LTBP1: variants seen among roughly 807,000 people sequenced by gnomAD.
LTBP1 encodes latent-transforming growth factor beta-binding protein 1.
LTBP1 carries 129 observed loss-of-function variants against 207.6 expected under a neutral mutation model. That is an observed-to-expected ratio of 0.62 (90% confidence interval 0.54 to 0.72). The LOEUF is 0.72. Among genes scored for constraint, LTBP1 ranks in the 30% least tolerant of loss-of-function variants. The probability of loss-of-function intolerance (pLI) is 0.00; values close to 1 mark genes in which losing one functional copy is unlikely to be tolerated. For missense variants in LTBP1, 2,281 were observed against 2,217.2 expected, an observed-to-expected ratio of 1.03 and a Z score of -0.58; for synonymous variants, 963 against 833.7, an observed-to-expected ratio of 1.16 and a Z score of -2.67.
At chr2:33,294,067 A>T (rs1398123681) in intron 20 of LTBP1, among the ~76,000 whole-genome samples, 1 of 125,722 alleles carries the variant, frequency 8.0e-6, no homozygotes, top group Non-Finnish European at 1.6e-5. Context: ...GTGCAGTGGC[A>T]TGATCTTGGC....
intron 2 of LTBP1, among the ~76,000 whole-genome samples, chr2:33,008,987 G>A (rs1227680251): frequency 6.6e-6 from 1 of 152,234 alleles, no homozygotes; most frequent in African/African-American, 2.4e-5. Flanking sequence ...GGGAGTGCAA[G>A]GAAATGACAT....
At chr2:32,964,814 G>A (rs570950361) in intron 2 of LTBP1, among the ~76,000 whole-genome samples, 16 of 151,826 alleles carry the variant, frequency 1.1e-4, no homozygotes, top group African/African-American at 2.7e-4. Flanking sequence ...AGGCTGAGGC[G>A]GGCGGATCAT....
At chr2:33,390,099 T>C (rs546438278) in intron 32 of LTBP1, among the ~76,000 whole-genome samples, 47 of 152,292 alleles carry the variant, frequency 3.1e-4, no homozygotes, top group African/African-American at 1.1e-3. Flanking sequence ...TATAAGTGTT[T>C]TAGAGTAGGA....
intron 9 of LTBP1, among the ~76,000 whole-genome samples, chr2:33,242,978 A>G (rs2092386241): frequency 6.6e-6 from 1 of 151,946 alleles, no homozygotes; most frequent in African/African-American, 2.4e-5. Context: ...ACCTTCCTGA[A>G]TCTTCTTTTC....
intron 26 of LTBP1, among the ~76,000 whole-genome samples, chr2:33,354,124 A>G (rs1483686496): frequency 6.6e-6 from 1 of 152,002 alleles, no homozygotes; most frequent in Non-Finnish European, 1.5e-5. Flanking sequence ...CAGCCTCCCA[A>G]AGTGCTGGGA....
At chr2:32,968,112 A>G (rs1453763651) in intron 2 of LTBP1, among the ~76,000 whole-genome samples, 1 of 152,148 alleles carries the variant, frequency 6.6e-6, no homozygotes, top group Non-Finnish European at 1.5e-5. Flanking sequence ...GACTACAGGT[A>G]GATGCCACCA....
At chr2:33,316,015 C>T (rs974891262) in intron 24 of LTBP1, among the ~76,000 whole-genome samples, 2 of 152,212 alleles carry the variant, frequency 1.3e-5, no homozygotes, top group South Asian at 4.1e-4. Context: ...CCCCTAATAT[C>T]CTTATTTCCA....
intron 2 of LTBP1, among the ~76,000 whole-genome samples, chr2:32,959,621 A>ATATATATATATATTTTTTTT (rs1475834284): frequency 5.5e-5 from 2 of 36,668 alleles, no homozygotes; most frequent in Non-Finnish European, 9.9e-5. Flanking sequence ...ATATATATAT[A>ATATATATATATATTTTTTTT]TTTTTTTTTT....
chr2:33,092,513 T>C (rs906447156), intron 3 of LTBP1, among the ~76,000 whole-genome samples: 6 of 152,224 alleles, frequency 3.9e-5, no homozygotes, highest in African/African-American at 1.4e-4. Flanking sequence ...ACATTAAGCC[T>C]TCTGGGTTAT....
rs753699171 is a variant in LTBP1 at position 33,275,791 on chromosome 2, C to A, written c.2870-10C>A. The A allele has an allele frequency of 1.9e-6, 3 of 1,612,434 alleles. No homozygotes were observed. In the Admixed American group the frequency reaches 5.0e-5, roughly 27 times the overall value. ...ACACAAAACTCAACAATGCTATCTG[C>A]TCTTCGTAGATGTTGACGAATGCCT... On this transcript the variant is annotated splice_polypyrimidine_tract_variant and intron_variant, in intron 17 of 33. Transcript: ENST00000404816.
At chr2:33,153,069 G>A (rs893668219) in intron 5 of LTBP1, among the ~76,000 whole-genome samples, 23 of 152,306 alleles carry the variant, frequency 1.5e-4, no homozygotes, top group Admixed American at 1.4e-3. Flanking sequence ...ATGCTAGAGT[G>A]TAAATGAGAT....
chr2:33,365,295 A>G (rs1381352118), intron 30 of LTBP1, 38 bp from the exon 31 acceptor site: 4 of 1,586,998 alleles, frequency 2.5e-6, no homozygotes, highest in South Asian at 1.1e-5. Context: ...AATAGGAATA[A>G]CTGTGCGATT....
chr2:32,974,166 G>A (rs1241493177), intron 2 of LTBP1, among the ~76,000 whole-genome samples: 1 of 152,114 alleles, frequency 6.6e-6, no homozygotes, highest in African/African-American at 2.4e-5. Flanking sequence ...AGTTTTTTGA[G>A]GAACCTCCAA....
At chr2:33,058,978 T>A (rs2077139905) in intron 3 of LTBP1, among the ~76,000 whole-genome samples, 1 of 152,236 alleles carries the variant, frequency 6.6e-6, no homozygotes, top group Non-Finnish European at 1.5e-5. Context: ...GCATTTATCT[T>A]GTTATTTTCA....
At chr2:33,337,195 C>T (rs908004693) in intron 24 of LTBP1, among the ~76,000 whole-genome samples, 1 of 152,118 alleles carries the variant, frequency 6.6e-6, no homozygotes, top group Non-Finnish European at 1.5e-5. Context: ...GGTTCGAGTT[C>T]TACTCTAGTA....
At chr2:33,324,760 A>C (rs1488212011) in intron 24 of LTBP1, among the ~76,000 whole-genome samples, 1 of 134,896 alleles carries the variant, frequency 7.4e-6, no homozygotes, top group African/African-American at 2.9e-5. Context: ...GGAGTGCAGT[A>C]GCGTGATCTC....
At chr2:33,219,529 G>A (rs113814987) in intron 8 of LTBP1, among the ~76,000 whole-genome samples, 1 of 152,040 alleles carries the variant, frequency 6.6e-6, no homozygotes, top group Non-Finnish European at 1.5e-5. Flanking sequence ...CGTTGAAGAG[G>A]CGTTGCCATC....
chr2:33,398,742 C>T lies in LTBP1; in HGVS notation c.*197C>T, dbSNP rs1239372014. The T allele has an allele frequency of 1.3e-5, 6 of 473,208 alleles. No individual in the cohort carries two copies. In the South Asian group the frequency reaches 1.6e-4, roughly 13 times the overall value. The allele number at this position is 473,208 out of a possible 1,614,324, so 29.3% of individuals were successfully genotyped here. ...TGTGGCAGACCAAATGGACATTTCTCTAAAAAACCAGTATATATAGTCTGT... is the reference window on the plus strand; with the variant it reads ...TGTGGCAGACCAAATGGACATTTCTTTAAAAAACCAGTATATATAGTCTGT... On this transcript the variant is annotated 3_prime_UTR_variant, in exon 34 of 34. Coordinates refer to ENST00000404816, the MANE Select transcript of LTBP1 (RefSeq NM_206943.4).
Position 33,134,579 on chromosome 2 carries a change from C to A in LTBP1, c.1034-214C>A. Reference sequence around the variant, plus strand: ...GCATCCCAGAGTTCTGTTTGCTAAGCTTCCTACTCCTGTTTCAGAGACACC... The same window carrying A: ...GCATCCCAGAGTTCTGTTTGCTAAGATTCCTACTCCTGTTTCAGAGACACC... On this transcript the variant is annotated intron_variant, in intron 4 of 33. Coordinates refer to ENST00000404816, the MANE Select transcript of LTBP1 (RefSeq NM_206943.4). The surrounding 1 kb of genome is among the most constrained non-coding windows in gnomAD (Gnocchi z 4.4). 1 of 1,535,888 alleles carries A rather than the reference C, an allele frequency of 6.5e-7. No individual in the cohort carries two copies. Among genetic ancestry groups the A allele is most frequent in the South Asian group, 1.2e-5 (1 of 82,574 alleles).
Sources: gnomAD v4.1 joint callset for allele counts (sites outside exome capture counted in the v4.1 genomes callset) on GRCh38, gnomAD v4.1.1 for gene constraint, Gnocchi (gnomAD v3.1) non-coding constraint, MANE v1.5 for transcripts, NCBI Gene and HGNC (gene_info 2026-07-23, HGNC 2026-07-21) for gene names.